The following WFS1 variants were observed in gnomAD, a reference collection of about 807,000 sequenced individuals.
WFS1 encodes wolframin ER transmembrane glycoprotein, also known as wolframin.
A neutral mutation model predicts 68.5 loss-of-function variants in WFS1; 90 were observed. The observed-to-expected ratio is 1.31, with a 90% CI of 1.11 to 1.56. The LOEUF (loss-of-function observed/expected upper bound fraction) is 1.56, where lower values mean the gene tolerates loss of function less well. Among genes scored for constraint, WFS1 ranks in the 40% most tolerant of loss-of-function variants. WFS1 has a pLI of 0.00. For missense variants in WFS1, 1,767 were observed against 1,232.6 expected (o/e 1.43, Z -6.49); for synonymous variants, 860 against 540.7 (o/e 1.59, Z -8.19).
chr4:6,284,525 T>G (rs1455893575), intron 2 of WFS1, among the ~76,000 whole-genome samples: 1 of 152,098 alleles, frequency 6.6e-6, no homozygotes, highest in African/African-American at 2.4e-5. Context: ...ATGTTTTGAT[T>G]TTTTTAAAAA....
In WFS1 at chr4:6,283,350, A is replaced by G. The variant is rs1180996831; in HGVS notation, c.233-3743A>G. ...AATGAGTTAGATTCAGGACCCTTTT[A>G]GTTGTAAGTGACAAAATCTCAATAT... is the stretch of plus-strand genomic sequence containing the variant. On this transcript the variant is annotated intron_variant, in intron 2 of 7. Transcript: ENST00000226760. This position sits in a 1 kb window ranked among gnomAD's most constrained non-coding sequence, Gnocchi z 5.0. Among the ~76,000 whole-genome samples, 1 of 152,228 alleles carries G rather than the reference A, an allele frequency of 6.6e-6. No homozygotes were observed.
At chr4:6,271,659 G>C (rs574135809) in intron 1 of WFS1, among the ~76,000 whole-genome samples, 1 of 152,204 alleles carries the variant, frequency 6.6e-6, no homozygotes, top group East Asian at 1.9e-4. Flanking sequence ...CTCACTCCCA[G>C]TTGGGTCTCT....
In WFS1 at chr4:6,299,488, GCA is replaced by G. The variant is rs1165537373; in HGVS notation, c.862-1167_862-1166del. On this transcript the variant is annotated intron_variant, in intron 7 of 7. Coordinates refer to ENST00000226760, the MANE Select transcript of WFS1 (RefSeq NM_006005.3). ...AGGGTGCACGTGTGGGGGTGGGTGT[GCA>G]CGTGTGTGTAGGGGTGGGTTGCGTG... is the stretch of plus-strand genomic sequence containing the variant. Among the ~76,000 whole-genome samples the G allele has an allele frequency of 5.2e-4, 79 of 150,790 alleles. 2 individuals are homozygous for G. The highest frequency in any genetic ancestry group is 1.7e-3 in the African/African-American group (71 of 40,786).
chr4:6,300,638 C>T lies in WFS1; in HGVS notation c.862-19C>T, dbSNP rs370767782. ...GGGTCCTGTCCCAGCCTCGTTCCCA[C>T]GTACCATCTTTCCCCCAGGTGGTCA... On this transcript the variant is annotated intron_variant, in intron 7 of 7. Coordinates refer to ENST00000226760, the MANE Select transcript of WFS1 (RefSeq NM_006005.3). 5.2e-5 allele frequency: 84 copies of T among 1,613,648 alleles called. No individual in the cohort carries two copies. The highest frequency in any genetic ancestry group is 1.6e-4 in the African/African-American group (12 of 74,874).
intron 7 of WFS1, among the ~76,000 whole-genome samples, 189 bp from the exon 8 acceptor site, chr4:6,300,468 G>C (rs1299639868): frequency 6.6e-6 from 1 of 152,066 alleles, no homozygotes; most frequent in Non-Finnish European, 1.5e-5. Flanking sequence ...GGGCTCACAG[G>C]GACCGCGAGC....
intron 2 of WFS1, among the ~76,000 whole-genome samples, chr4:6,278,219 C>T (rs929035561): frequency 2.6e-5 from 4 of 151,852 alleles, no homozygotes; most frequent in Admixed American, 2.6e-4. Flanking sequence ...CTTCACAGGC[C>T]GAGCTGACTG....
Position 6,301,261 on chromosome 4 carries a change from T to C in WFS1, c.1466T>C (p.Ile489Thr), listed in dbSNP as rs762510009. The C allele has an allele frequency of 1.2e-6, 2 of 1,611,328 alleles. No individual in the cohort carries two copies. Among genetic ancestry groups the C allele is most frequent in the Non-Finnish European group, 1.7e-6 (2 of 1,180,008 alleles). Residue 489 changes from isoleucine to threonine, a missense_variant, in exon 8 of 8, where the codon ATC becomes ACC. Transcript: ENST00000226760. ...PYLKVLGQTF[I>T]TVPVGHLVVL... ...CTGAAGGTCCTTGGCCAGACCTTCA[T>C]CACCGTGCCTGTCGGCCACCTGGTC...
intron 4 of WFS1, among the ~76,000 whole-genome samples, chr4:6,290,030 C>T (rs185559403): frequency 6.6e-6 from 1 of 152,170 alleles, no homozygotes; most frequent in African/African-American, 2.4e-5. Flanking sequence ...CCTCCACCTC[C>T]CTGGTTCAAG....
At chr4:6,291,391 C>T (rs747663997) in intron 5 of WFS1, 24 bp downstream of exon 5, 11 of 1,609,684 alleles carry the variant, frequency 6.8e-6, no homozygotes, top group Middle Eastern at 1.6e-4. Context: ...CCCTGGGCAC[C>T]AGCCTTCCCT....
At chr4:6,292,438 G>T (rs1730493725) in intron 6 of WFS1, among the ~76,000 whole-genome samples, 2 of 152,266 alleles carry the variant, frequency 1.3e-5, no homozygotes, top group Middle Eastern at 6.8e-3. Flanking sequence ...AAGGGGCTCT[G>T]CCCCAGCGTA....
At position 6,295,038 on chromosome 4, in the gene WFS1, C is replaced by A; in HGVS notation, c.713-3C>A. 1 of 1,613,384 alleles carries A rather than the reference C, an allele frequency of 6.2e-7. No homozygotes were observed. The highest frequency in any genetic ancestry group is 1.1e-5 in the South Asian group (1 of 91,066). ...GCCCATGCTGTTTTCTCTCATGCTT[C>A]AGCCAAGAACTACATCGCGCTGGAT... On this transcript the variant is annotated splice_polypyrimidine_tract_variant and splice_region_variant and intron_variant, in intron 6 of 7. Transcript: ENST00000226760.
intron 2 of WFS1, among the ~76,000 whole-genome samples, chr4:6,278,403 A>G (rs1009086583): frequency 6.6e-6 from 1 of 152,212 alleles, no homozygotes; most frequent in Non-Finnish European, 1.5e-5. Context: ...CTTTTGCTAG[A>G]GAGGCCGCTG....
intron 6 of WFS1, 64 bp downstream of exon 6, chr4:6,292,061 C>G: frequency 6.7e-7 from 1 of 1,492,602 alleles, no homozygotes; most frequent in Non-Finnish European, 9.1e-7. Flanking sequence ...GGCGACCTCT[C>G]CTTCCTGTGC....
intron 1 of WFS1, among the ~76,000 whole-genome samples, chr4:6,276,798 G>T (rs1159659751): frequency 1.3e-5 from 2 of 152,244 alleles, no homozygotes; most frequent in Admixed American, 6.5e-5. Context: ...TGTGGGCAGG[G>T]TGGGTCCCTC....
rs1730213312 is a variant in WFS1 at position 6,283,122 on chromosome 4, G to GGT, written c.233-3970_233-3969dup. 6.6e-6 allele frequency among the ~76,000 whole-genome samples: 1 copy of GGT among 152,208 alleles called. No homozygotes were observed. The highest frequency in any genetic ancestry group is 1.5e-5 in the Non-Finnish European group (1 of 68,034). ...GGGGCGCATCCTGGAGGATGCCCTA[G>GGT]GTAGTGCCTGAGAAAGTGAGGGTCA... On this transcript the variant is annotated intron_variant, in intron 2 of 7. Coordinates refer to ENST00000226760, the MANE Select transcript of WFS1 (RefSeq NM_006005.3). This position sits in a 1 kb window ranked among gnomAD's most constrained non-coding sequence, Gnocchi z 5.0.
At chr4:6,271,379 C>T (rs1729834457) in intron 1 of WFS1, among the ~76,000 whole-genome samples, 1 of 152,226 alleles carries the variant, frequency 6.6e-6, no homozygotes, top group African/African-American at 2.4e-5. Context: ...TGACTTAGGC[C>T]TCCCCTGCCC....
chr4:6,302,629 A>G lies in WFS1; in HGVS notation c.*161A>G, dbSNP rs1730998137. On this transcript the variant is annotated 3_prime_UTR_variant, in exon 8 of 8. Coordinates refer to ENST00000226760, the MANE Select transcript of WFS1 (RefSeq NM_006005.3). ...ATGTGTAGATTGCGTGGACCCCGAC[A>G]AAGGGAAGGCTGCTGTGTAGCTCTG... The G allele has an allele frequency of 4.0e-6, 4 of 1,000,876 alleles. No homozygotes were observed. The highest frequency in any genetic ancestry group is 1.6e-5 in the South Asian group (1 of 62,124). The allele number at this position is 1,000,876 out of a possible 1,614,324, so 62.0% of individuals were successfully genotyped here.
chr4:6,295,206 C>T lies in WFS1; in HGVS notation c.861+17C>T. The T allele has an allele frequency of 1.2e-6, 2 of 1,610,534 alleles. No homozygotes were observed. Among genetic ancestry groups the T allele is most frequent in the Middle Eastern group, 2.2e-4 (1 of 4,634 alleles). On this transcript the variant is annotated intron_variant, in intron 7 of 7. Coordinates refer to ENST00000226760, the MANE Select transcript of WFS1 (RefSeq NM_006005.3). ...CGTCTGAAGGTGAGTGACCAAGACCCCGGTCAGGCCGGAGCCTGCCTCCCA... is the reference window on the plus strand; with the variant it reads ...CGTCTGAAGGTGAGTGACCAAGACCTCGGTCAGGCCGGAGCCTGCCTCCCA...
Position 6,278,858 on chromosome 4 carries a change from A to G in WFS1, c.232+1171A>G, listed in dbSNP as rs547693234. Among the ~76,000 whole-genome samples the G allele has an allele frequency of 5.3e-5, 8 of 152,368 alleles. No homozygotes were observed. The East Asian group carries it at 1.4e-3, about 26-fold the overall frequency. ...GACCCCGGGATTTGGGCCCAGCCTC[A>G]CGGCTTCAGGGGAACAGATACCAGG... On this transcript the variant is annotated intron_variant, in intron 2 of 7. Coordinates refer to ENST00000226760, the MANE Select transcript of WFS1 (RefSeq NM_006005.3).
Sources: allele counts gnomAD v4.1 joint callset (sites outside exome capture counted in the v4.1 genomes callset), GRCh38; gene constraint gnomAD v4.1.1; non-coding constraint Gnocchi (gnomAD v3.1); transcripts MANE v1.5; gene names NCBI Gene and HGNC (gene_info 2026-07-23, HGNC 2026-07-21).